The following PLXNA4 variants were observed in gnomAD, a reference collection of about 807,000 sequenced individuals.
PLXNA4 encodes plexin A4, also known as plexin-A4.
PLXNA4 carries 44 observed loss-of-function variants against 191.8 expected under a neutral mutation model. The ratio of observed to expected loss-of-function variants is 0.23; its 90% confidence interval spans 0.18 to 0.29. The LOEUF (loss-of-function observed/expected upper bound fraction) is 0.29, where lower values mean the gene tolerates loss of function less well. Among genes scored for constraint, PLXNA4 ranks in the 10% least tolerant of loss-of-function variants. The probability of loss-of-function intolerance (pLI) is 1.00; values close to 1 mark genes in which losing one functional copy is unlikely to be tolerated. For missense variants in PLXNA4, 1,800 were observed against 2,488.8 expected (o/e 0.72, Z 5.89); for synonymous variants, 1,082 against 1,009.5 (o/e 1.07, Z -1.36).
At chr7:132,506,041 C>T (rs1348415940) in intron 2 of PLXNA4, among the ~76,000 whole-genome samples, 1 of 152,128 alleles carries the variant, frequency 6.6e-6, no homozygotes, top group African/African-American at 2.4e-5. Context: ...AGCACCTCTC[C>T]TATTTCCTTT....
chr7:132,579,046 G>A (rs141327071), upstream of PLXNA4, among the ~76,000 whole-genome samples: 667 of 152,198 alleles, frequency 4.4e-3, 6 homozygotes, highest in African/African-American at 0.015. Context: ...AAGGCCAGCC[G>A]GGCACTGAGG....
chr7:132,616,063 C>T (rs1396841533), intron 2 of PLXNA4, among the ~76,000 whole-genome samples: 1 of 151,836 alleles, frequency 6.6e-6, no homozygotes, highest in Non-Finnish European at 1.5e-5. Flanking sequence ...TCCAGCCACA[C>T]CAGGAAAAGC....
chr7:132,198,362 G>C, intron 13 of PLXNA4, 123 bp downstream of exon 13: 2 of 1,368,324 alleles, frequency 1.5e-6, no homozygotes, highest in Non-Finnish European at 2.0e-6. Context: ...TAAAATATTG[G>C]GGTGGTTCTC....
Position 132,130,290 on chromosome 7 carries a change from A to G in PLXNA4, c.*189T>C, listed in dbSNP as rs931423056. ...TGGCTTGGTCCAATCGTGTTGGCAG[A>G]GCAACTGGAAGAGAAGAGATCCAGG... is the stretch of plus-strand genomic sequence containing the variant. On this transcript the variant is annotated 3_prime_UTR_variant, in exon 32 of 32. Transcript: ENST00000321063. 2.5e-6 allele frequency: 2 copies of G among 794,564 alleles called. No homozygotes were observed. The highest frequency in any genetic ancestry group is 3.9e-6 in the Non-Finnish European group (2 of 517,652). The allele number at this position is 794,564 out of a possible 1,614,324, so 49.2% of individuals were successfully genotyped here. A position where few individuals can be genotyped will look rare whatever the true frequency, so the allele number is the denominator to read the frequency against.
Position 132,433,493 on chromosome 7 carries a change from T to C in PLXNA4, c.1371+55799A>G, listed in dbSNP as rs539307718. Among the ~76,000 whole-genome samples the C allele has an allele frequency of 2.4e-4, 36 of 152,294 alleles. No individual in the cohort carries two copies. The South Asian group carries it at 6.8e-3, about 29-fold the overall frequency. ...CGGCCACAGCAGAACTGTTCTAAGA[T>C]AGGGCGTCTTTCTGAGGTTTGTGCT... On this transcript the variant is annotated intron_variant, in intron 3 of 31. Transcript: ENST00000321063.
At chr7:132,331,490 T>A (rs1802588648) in intron 3 of PLXNA4, among the ~76,000 whole-genome samples, 1 of 152,164 alleles carries the variant, frequency 6.6e-6, no homozygotes, top group African/African-American at 2.4e-5. Flanking sequence ...CAGGTCTGAG[T>A]CTTGCCCATG....
intron 4 of PLXNA4, among the ~76,000 whole-genome samples, chr7:132,271,517 C>G (rs1455522808): frequency 6.6e-6 from 1 of 151,832 alleles, no homozygotes; most frequent in African/African-American, 2.4e-5. Context: ...TTTGGGAAAG[C>G]AACAAAGGAA....
At chr7:132,588,165 T>C (rs1404809083) in intron 2 of PLXNA4, among the ~76,000 whole-genome samples, 1 of 152,154 alleles carries the variant, frequency 6.6e-6, no homozygotes, top group Non-Finnish European at 1.5e-5. Flanking sequence ...TGTCAGGTAG[T>C]GTCATCTCAT....
intron 3 of PLXNA4, among the ~76,000 whole-genome samples, chr7:132,467,256 A>G (rs916529451): frequency 2.6e-5 from 4 of 152,108 alleles, no homozygotes; most frequent in African/African-American, 9.7e-5. Context: ...TGCGAGGGTA[A>G]TTGACCTATA....
At chr7:132,170,908 G>GACAA (rs1796265632) in intron 21 of PLXNA4, among the ~76,000 whole-genome samples, 1 of 152,232 alleles carries the variant, frequency 6.6e-6, no homozygotes, top group Non-Finnish European at 1.5e-5. Context: ...AACAGCTAGA[G>GACAA]ATAAACAGGC....
intron 2 of PLXNA4, among the ~76,000 whole-genome samples, chr7:132,618,040 A>G (rs554379299): frequency 6.6e-6 from 1 of 152,248 alleles, no homozygotes; most frequent in East Asian, 1.9e-4. Flanking sequence ...CCTTCATCTT[A>G]TGGGTGCAAA....
chr7:132,581,688 G>A (rs554853098), upstream of PLXNA4, among the ~76,000 whole-genome samples: 14 of 152,160 alleles, frequency 9.2e-5, no homozygotes, highest in African/African-American at 2.4e-4. Flanking sequence ...AAGCCACACC[G>A]GGGGGTTGGT....
At chr7:132,497,762 G>A (rs561659016) in intron 2 of PLXNA4, among the ~76,000 whole-genome samples, 2 of 152,272 alleles carry the variant, frequency 1.3e-5, no homozygotes, top group East Asian at 3.9e-4. Flanking sequence ...TCCTATAATA[G>A]GTGAAAGTTG....
intron 1 of PLXNA4, among the ~76,000 whole-genome samples, chr7:132,566,549 G>T (rs1388690598): frequency 1.3e-5 from 2 of 151,950 alleles, no homozygotes; most frequent in African/African-American, 4.8e-5. Flanking sequence ...AGCTTCCTTT[G>T]TTAATTTGAT....
At chr7:132,562,947 C>T (rs1801329975) in intron 1 of PLXNA4, among the ~76,000 whole-genome samples, 1 of 108,934 alleles carries the variant, frequency 9.2e-6, no homozygotes. Context: ...CCTCTCCCTC[C>T]TCCTCCTCTC....
At chr7:132,348,034 C>G (rs1167513415) in intron 3 of PLXNA4, among the ~76,000 whole-genome samples, 1 of 152,138 alleles carries the variant, frequency 6.6e-6, no homozygotes, top group South Asian at 2.1e-4. Flanking sequence ...CCAGTTGCTC[C>G]TTAGGCTGGT....
chr7:132,461,120 A>C (rs1473409275), intron 3 of PLXNA4, among the ~76,000 whole-genome samples: 1 of 152,224 alleles, frequency 6.6e-6, no homozygotes, highest in Non-Finnish European at 1.5e-5. Context: ...AGCAGGGGTC[A>C]GCAAACTTTT....
chr7:132,524,716 C>T (rs910841187), intron 1 of PLXNA4, among the ~76,000 whole-genome samples: 1 of 152,074 alleles, frequency 6.6e-6, no homozygotes, highest in African/African-American at 2.4e-5. Context: ...GCTCGGTGCC[C>T]ATCACCACGC....
At chr7:132,170,587 C>G (rs937233196) in intron 21 of PLXNA4, among the ~76,000 whole-genome samples, 3 of 152,244 alleles carry the variant, frequency 2.0e-5, no homozygotes, top group Non-Finnish European at 4.4e-5. Context: ...TACCAATACC[C>G]TGTGTTCCAG....
Sources: gnomAD v4.1 joint callset for allele counts (sites outside exome capture counted in the v4.1 genomes callset) on GRCh38, gnomAD v4.1.1 for gene constraint, MANE v1.5 for transcripts, NCBI Gene and HGNC (gene_info 2026-07-23, HGNC 2026-07-21) for gene names.